SCG5: variants seen among roughly 807,000 people sequenced by gnomAD.
The protein encoded by SCG5 is neuroendocrine protein 7B2.
SCG5 carries 18 observed loss-of-function variants against 25.7 expected under a neutral mutation model. That is an observed-to-expected ratio of 0.70 (90% CI 0.48 to 1.04). SCG5 has a LOEUF of 1.04. Among genes scored for constraint, SCG5 ranks in the 50% least tolerant of loss-of-function variants. SCG5 has a pLI of 0.00. For missense variants in SCG5, 206 were observed against 259.8 expected (o/e 0.79, Z 1.42); for synonymous variants, 101 against 91.7 (o/e 1.10, Z -0.58).
chr15:32,674,540 C>T (rs2054498138), intron 2 of SCG5, among the ~76,000 whole-genome samples: 1 of 152,134 alleles, frequency 6.6e-6, no homozygotes, highest in South Asian at 2.1e-4. Context: ...ATCATAGAGA[C>T]AGGAAAATGG....
At chr15:32,651,516 A>G (rs888023868) in intron 2 of SCG5, among the ~76,000 whole-genome samples, 1 of 152,208 alleles carries the variant, frequency 6.6e-6, no homozygotes, top group Non-Finnish European at 1.5e-5. Flanking sequence ...CTCTCTCTGC[A>G]GTTGGAGAAA....
intron 2 of SCG5, among the ~76,000 whole-genome samples, chr15:32,653,266 T>C (rs575526273): frequency 6.6e-6 from 1 of 152,366 alleles, no homozygotes; most frequent in African/African-American, 2.4e-5. Flanking sequence ...GTGAGATCTT[T>C]AGTCCATTCC....
At chr15:32,655,336 A>G (rs1272820976) in intron 2 of SCG5, among the ~76,000 whole-genome samples, 1 of 152,076 alleles carries the variant, frequency 6.6e-6, no homozygotes, top group Non-Finnish European at 1.5e-5. Context: ...TCTGGAGATC[A>G]TAGAGCAAAC....
intron 3 of SCG5, among the ~76,000 whole-genome samples, chr15:32,683,636 G>A (rs570105044): frequency 5.6e-4 from 85 of 152,308 alleles, no homozygotes; most frequent in African/African-American, 1.9e-3. Flanking sequence ...CAGCAATCCC[G>A]TAGGTAAGTA....
chr15:32,684,262 C>G (rs547232126), intron 3 of SCG5, among the ~76,000 whole-genome samples: 55 of 152,266 alleles, frequency 3.6e-4, no homozygotes, highest in African/African-American at 1.3e-3. Flanking sequence ...TCCACTCAGG[C>G]AAATGACTCC....
intron 2 of SCG5, among the ~76,000 whole-genome samples, chr15:32,657,193 C>A (rs1172844693): frequency 2.7e-4 from 2 of 7,296 alleles, no homozygotes; most frequent in African/African-American, 4.3e-4. Context: ...TTTCTTTCAT[C>A]CTCCTGTATA....
chr15:32,654,196 G>A (rs1169480920), intron 2 of SCG5, among the ~76,000 whole-genome samples: 1 of 152,208 alleles, frequency 6.6e-6, no homozygotes, highest in Non-Finnish European at 1.5e-5. Flanking sequence ...CCACAGACTA[G>A]GTGGCTTAAA....
At chr15:32,660,292 C>G (rs2054195571) in intron 2 of SCG5, among the ~76,000 whole-genome samples, 1 of 152,182 alleles carries the variant, frequency 6.6e-6, no homozygotes, top group South Asian at 2.1e-4. Flanking sequence ...ATCCGTGACT[C>G]TGACGAGAGA....
intron 2 of SCG5, among the ~76,000 whole-genome samples, chr15:32,646,599 G>A (rs1364445040): frequency 1.3e-5 from 2 of 152,306 alleles, no homozygotes; most frequent in East Asian, 3.9e-4. Context: ...TTCCCAGCAG[G>A]TGGGAATCTT....
At chr15:32,688,993 G>A (rs1267715925) in intron 4 of SCG5, among the ~76,000 whole-genome samples, 2 of 150,296 alleles carry the variant, frequency 1.3e-5, no homozygotes, top group Non-Finnish European at 3.0e-5. Flanking sequence ...TAGTTACTCT[G>A]TGGGAAGAAG....
intron 4 of SCG5, among the ~76,000 whole-genome samples, chr15:32,685,092 T>C (rs2054684329): frequency 1.3e-5 from 2 of 152,220 alleles, no homozygotes; most frequent in Non-Finnish European, 2.9e-5. Flanking sequence ...GGAATAAAGA[T>C]GCCAGAGCTT....
At chr15:32,668,475 T>C (rs1412010217) in intron 2 of SCG5, among the ~76,000 whole-genome samples, 1 of 152,196 alleles carries the variant, frequency 6.6e-6, no homozygotes, top group Admixed American at 6.5e-5. Context: ...ATAATTACAT[T>C]CCCAAGCCGT....
chr15:32,685,904 C>T (rs1425338544), intron 4 of SCG5, among the ~76,000 whole-genome samples: 2 of 152,198 alleles, frequency 1.3e-5, no homozygotes, highest in Non-Finnish European at 2.9e-5. Flanking sequence ...TGGCAGATGG[C>T]CTTGCTTACT....
At chr15:32,677,416 T>C (rs2054549349) in intron 2 of SCG5, 1 of 152,182 alleles carries the variant, frequency 6.6e-6, no homozygotes, top group African/African-American at 2.4e-5. Flanking sequence ...GTCATGATTC[T>C]ACTGAATATA....
rs71113463 is a variant in SCG5, at chr15:32,657,199, G to GTATATATA, written c.226+13387_226+13394dup. On this transcript the variant is annotated intron_variant, in intron 2 of 5. Coordinates refer to ENST00000300175, the MANE Select transcript of SCG5 (RefSeq NM_001144757.3). ...CCTTAATTCTTTCTTTCATCCTCCT[G>GTATATATA]TATATATATATATGTATGTATTTCC... 2.4e-3 allele frequency among the ~76,000 whole-genome samples: 16 copies of GTATATATA among 6,694 alleles called. 4 individuals carry two copies. The highest frequency in any genetic ancestry group is 0.012 in the East Asian group (1 of 86). The allele number at this position is 6,694 out of a possible 152,430, so 4.4% of individuals were successfully genotyped here. A position where few individuals can be genotyped will look rare whatever the true frequency, so the allele number is the denominator to read the frequency against.
At chr15:32,658,907 T>C (rs996411788) in intron 2 of SCG5, among the ~76,000 whole-genome samples, 2 of 152,210 alleles carry the variant, frequency 1.3e-5, no homozygotes, top group Non-Finnish European at 2.9e-5. Flanking sequence ...CCGGGCGTGG[T>C]GGCTTATGCC....
Position 32,664,466 on chromosome 15 carries a change from A to C in SCG5, c.227-15300A>C, listed in dbSNP as rs1160380942. 4.3e-5 allele frequency among the ~76,000 whole-genome samples: 6 copies of C among 140,526 alleles called. No individual in the cohort carries two copies. In the East Asian group the frequency reaches 1.2e-3, roughly 29 times the overall value. 92.2% of individuals were successfully genotyped at this position (140,526 alleles called of 152,430 possible). A position where few individuals can be genotyped will look rare whatever the true frequency, so the allele number is the denominator to read the frequency against. ...GATGACTAGGAGTTAAAATAATGAC[A>C]GGTGAAAAATCCAAGATGGCGTTTG... On this transcript the variant is annotated intron_variant, in intron 2 of 5. Coordinates refer to ENST00000300175, the MANE Select transcript of SCG5 (RefSeq NM_001144757.3).
chr15:32,652,486 G>A (rs530804302), intron 2 of SCG5, among the ~76,000 whole-genome samples: 12 of 152,306 alleles, frequency 7.9e-5, no homozygotes, highest in Non-Finnish European at 1.8e-4. Flanking sequence ...AACCAGCAGA[G>A]AGGGAGAGTT....
chr15:32,679,160 A>G (rs976716540), intron 2 of SCG5, among the ~76,000 whole-genome samples: 7 of 149,522 alleles, frequency 4.7e-5, no homozygotes, highest in African/African-American at 1.7e-4. Flanking sequence ...CTCCCATCCC[A>G]TCAGCCAAAT....
Sources: allele counts gnomAD v4.1 joint callset (sites outside exome capture counted in the v4.1 genomes callset), GRCh38; gene constraint gnomAD v4.1.1; transcripts MANE v1.5; gene names NCBI Gene and HGNC (gene_info 2026-07-23, HGNC 2026-07-21).